RAB37: variants seen among roughly 807,000 people sequenced by gnomAD.
RAB37 encodes the protein RAB37, member RAS oncogene family.
Under a neutral mutation model 33.1 loss-of-function variants are expected in RAB37, and 29 were observed. The observed-to-expected ratio is 0.88, with a 90% confidence interval of 0.65 to 1.20. RAB37 has a LOEUF of 1.20. RAB37 is among the 50% of genes most tolerant of loss of function. The probability of loss-of-function intolerance (pLI) is 0.00; values close to 1 mark genes in which losing one functional copy is unlikely to be tolerated. For missense variants in RAB37, 299 were observed against 301.1 expected (o/e 0.99, Z 0.05); for synonymous variants, 128 against 119.5 (o/e 1.07, Z -0.47).
At position 74,703,194 on chromosome 17, in the gene RAB37, G is replaced by A. The variant is rs749590595; in HGVS notation, c.73-26062G>A. The A allele has an allele frequency of 5.0e-5, 73 of 1,463,686 alleles. 1 individual carries two copies. Among genetic ancestry groups the A allele is most frequent in the South Asian group, 1.7e-4 (15 of 86,368 alleles). 90.7% of individuals were successfully genotyped at this position (1,463,686 alleles called of 1,614,324 possible). On this transcript the variant is annotated intron_variant, in intron 1 of 7. Coordinates refer to the RAB37 transcript ENST00000340415. ...CCAGATCACAGATGCCCCTGCCCAT[G>A]AGCCCACCCGCAGCCCTGCACACAG...
intron 1 of RAB37, chr17:74,696,132 G>A: frequency 5.8e-6 from 9 of 1,559,442 alleles, no homozygotes; most frequent in Non-Finnish European, 7.8e-6. Flanking sequence ...CTGAGAGATG[G>A]AAAATGAGGA....
At chr17:74,704,966 T>C (rs914954226) in intron 1 of RAB37, 10 of 661,384 alleles carry the variant, frequency 1.5e-5, no homozygotes, top group African/African-American at 9.0e-5. Flanking sequence ...ACTTTTGTCC[T>C]TCAGCTTTCC....
At chr17:74,685,248 G>A (rs1043989061) in intron 1 of RAB37, among the ~76,000 whole-genome samples, 6 of 151,966 alleles carry the variant, frequency 3.9e-5, no homozygotes, top group African/African-American at 1.5e-4. Context: ...GCAGTGGCGC[G>A]ATCTCGGCTC....
At chr17:74,684,446 CAA>C (rs2032013563) in intron 1 of RAB37, among the ~76,000 whole-genome samples, 2 of 151,232 alleles carry the variant, frequency 1.3e-5, no homozygotes, top group South Asian at 4.2e-4. Context: ...AAATGAAAAA[CAA>C]AGAAAAAATT....
rs1567817219 is a variant in RAB37 at position 74,745,001 on chromosome 17, C to CG, written c.490-4dup. The CG allele has an allele frequency of 6.2e-7, 1 of 1,614,234 alleles. No homozygotes were observed. The highest frequency in any genetic ancestry group is 8.5e-7 in the Non-Finnish European group (1 of 1,180,020). ...CGCTGGCCCTGAGGACACTCTCTCC[C>CG]GGGCAGGAGTACGGTGTTCCCTTCC... On this transcript the variant is annotated splice_region_variant and splice_polypyrimidine_tract_variant and intron_variant, in intron 7 of 8. Transcript: ENST00000392613. This position sits in a 1 kb window ranked among gnomAD's most constrained non-coding sequence, Gnocchi z 4.5.
chr17:74,714,873 G>C (rs1394526446), intron 1 of RAB37, among the ~76,000 whole-genome samples: 2 of 152,192 alleles, frequency 1.3e-5, no homozygotes. Flanking sequence ...TGTAATCCCA[G>C]CATTTTGGGA....
chr17:74,741,469 C>T (rs1291598278), intron 2 of RAB37, among the ~76,000 whole-genome samples: 2 of 151,934 alleles, frequency 1.3e-5, no homozygotes, highest in Non-Finnish European at 2.9e-5. Flanking sequence ...TCCTGCAGTC[C>T]CAGCTACTCG....
At position 74,729,477 on chromosome 17, in the gene RAB37, G is replaced by A. The variant is rs1417273703; in HGVS notation, c.183+111G>A. 5.0e-6 allele frequency: 4 copies of A among 800,012 alleles called. No individual in the cohort carries two copies. The highest frequency in any genetic ancestry group is 8.9e-6 in the Non-Finnish European group (4 of 450,500). 49.6% of individuals were successfully genotyped at this position (800,012 alleles called of 1,614,324 possible). A position where few individuals can be genotyped will look rare whatever the true frequency, so the allele number is the denominator to read the frequency against. ...ACACTCGCATTGGATCATTCAAGGA[G>A]GATTAAGGAGAAGACTGTTCCCCAA... On this transcript the variant is annotated intron_variant, in intron 2 of 7. Coordinates refer to the RAB37 transcript ENST00000340415. This position sits in a 1 kb window ranked among gnomAD's most constrained non-coding sequence, Gnocchi z 4.2.
intron 1 of RAB37, chr17:74,705,159 T>A: frequency 1.4e-6 from 1 of 691,902 alleles, no homozygotes. Flanking sequence ...TAGTCCAGTG[T>A]GGTGGGGAGG....
At chr17:74,690,929 G>A (rs960341005) in intron 1 of RAB37, among the ~76,000 whole-genome samples, 3 of 152,068 alleles carry the variant, frequency 2.0e-5, no homozygotes, top group South Asian at 2.1e-4. Flanking sequence ...ACACTTCCTC[G>A]TTTTTTTGAG....
intron 1 of RAB37, among the ~76,000 whole-genome samples, chr17:74,715,351 G>A (rs117642777): frequency 0.012 from 1,835 of 152,308 alleles, 19 homozygotes; most frequent in Non-Finnish European, 0.02. Context: ...TTTCCAGGAC[G>A]TGGCCAGAGA....
At chr17:74,688,689 A>G (rs1222217525) in intron 1 of RAB37, among the ~76,000 whole-genome samples, 1 of 152,230 alleles carries the variant, frequency 6.6e-6, no homozygotes, top group African/African-American at 2.4e-5. Flanking sequence ...TTGGAAAGAC[A>G]CTATAAAAGC....
At chr17:74,711,083 G>A (rs190556127) in intron 1 of RAB37, among the ~76,000 whole-genome samples, 27 of 152,154 alleles carry the variant, frequency 1.8e-4, no homozygotes, top group Admixed American at 1.3e-3. Context: ...ACAAACTTCC[G>A]GATGGGTATT....
At position 74,702,915 on chromosome 17, in the gene RAB37, T is replaced by G. The variant is rs534442195; in HGVS notation, c.73-26341T>G. 5.0e-6 allele frequency: 4 copies of G among 802,074 alleles called. No homozygotes were observed. In the East Asian group the frequency reaches 1.0e-4, roughly 20 times the overall value. 49.7% of individuals were successfully genotyped at this position (802,074 alleles called of 1,614,324 possible). A position where few individuals can be genotyped will look rare whatever the true frequency, so the allele number is the denominator to read the frequency against. ...GTGGGAAGGGCTCCCAGCTTCCTCA[T>G]CCTCACCAAGGAGCATGCAGGTCCC... On this transcript the variant is annotated intron_variant, in intron 1 of 7. Transcript: ENST00000340415.
At chr17:74,696,105 C>A in intron 1 of RAB37, 1 of 1,496,826 alleles carries the variant, frequency 6.7e-7, no homozygotes, top group Non-Finnish European at 9.0e-7. Context: ...CAGGACTTCT[C>A]TGATATTTTG....
intron 1 of RAB37, chr17:74,695,583 T>C: frequency 8.2e-7 from 1 of 1,225,606 alleles, no homozygotes; most frequent in Non-Finnish European, 1.1e-6. Flanking sequence ...CCTAGGCGAG[T>C]CCTGCAGTGA....
At chr17:74,686,965 C>A (rs1598186050) in intron 1 of RAB37, among the ~76,000 whole-genome samples, 1 of 152,304 alleles carries the variant, frequency 6.6e-6, no homozygotes, top group Non-Finnish European at 1.5e-5. Context: ...GTCGTGGAAA[C>A]CCTCTGCGTC....
At chr17:74,704,682 G>T (rs149118291) in intron 1 of RAB37, 4 of 1,614,020 alleles carry the variant, frequency 2.5e-6, no homozygotes, top group African/African-American at 1.3e-5. Flanking sequence ...TTGCAGTCAC[G>T]CCAAATAGCT....
chr17:74,736,168 G>A (rs1208477184), upstream of RAB37, among the ~76,000 whole-genome samples: 2 of 151,494 alleles, frequency 1.3e-5, no homozygotes, highest in Non-Finnish European at 2.9e-5. Flanking sequence ...AGGCGAGATC[G>A]CACCACTGCA....
Sources: allele counts gnomAD v4.1 joint callset (sites outside exome capture counted in the v4.1 genomes callset), GRCh38; gene constraint gnomAD v4.1.1; non-coding constraint Gnocchi (gnomAD v3.1); transcripts MANE v1.5; gene names NCBI Gene and HGNC (gene_info 2026-07-23, HGNC 2026-07-21).